The following TAMM41 variants were observed in gnomAD, a reference collection of about 807,000 sequenced individuals.
TAMM41 encodes phosphatidate cytidylyltransferase, mitochondrial.
A neutral mutation model predicts 44.1 loss-of-function variants in TAMM41; 36 were observed. The observed-to-expected ratio is 0.82, with a 90% CI of 0.63 to 1.08. The LOEUF (loss-of-function observed/expected upper bound fraction) is 1.08, where lower values mean the gene tolerates loss of function less well. Ranked by LOEUF, TAMM41 falls within the 50% of genes least tolerant of loss-of-function variation. TAMM41 has a pLI of 0.00. For missense variants in TAMM41, 417 were observed against 404.3 expected (o/e 1.03, Z -0.27); for synonymous variants, 164 against 153.1 (o/e 1.07, Z -0.53).
At chr3:11,778,484 G>A in the TAMM41 span, among the ~76,000 whole-genome samples, 624 of 152,212 alleles carry the variant, frequency 4.1e-3, 5 homozygotes, top group Middle Eastern at 0.034. Context: ...TGTGTCCCAG[G>A]AACTCTATAT....
intron 4 of TAMM41, among the ~76,000 whole-genome samples, chr3:11,825,138 G>A (rs577281885): frequency 2.6e-5 from 4 of 152,296 alleles, no homozygotes; most frequent in East Asian, 3.9e-4. Context: ...GCATTTACAA[G>A]CTATGTGACC....
chr3:11,725,403 C>CTTCTTCTTCT, the TAMM41 span, among the ~76,000 whole-genome samples: 25 of 129,544 alleles, frequency 1.9e-4, no homozygotes, highest in African/African-American at 3.7e-4. Flanking sequence ...TTTCTTCTTC[C>CTTCTTCTTCT]TCTTCTTCTT....
At position 11,795,258 on chromosome 3, in the gene TAMM41, G is replaced by A. The variant is rs868790291; in HGVS notation, c.938-4677C>T. 2.9e-4 allele frequency among the ~76,000 whole-genome samples: 44 copies of A among 152,246 alleles called. 1 individual carries two copies. Among genetic ancestry groups the A allele is most frequent in the Admixed American group, 1.4e-3 (22 of 15,286 alleles). The stretch of plus-strand genomic sequence containing the variant: ...TAATTCTGATTGACCACAAAGTCAG[G>A]TGGGAAAAAATAGGATTTAAAAATT... On this transcript the variant is annotated intron_variant, in intron 7 of 7. Coordinates refer to ENST00000455809, the MANE Select transcript of TAMM41 (RefSeq NM_001284401.2).
intron 7 of TAMM41, among the ~76,000 whole-genome samples, chr3:11,805,500 G>A (rs2077882024): frequency 6.6e-6 from 1 of 152,048 alleles, no homozygotes; most frequent in Non-Finnish European, 1.5e-5. Flanking sequence ...TTGAACTCTT[G>A]AGCCCAAGCA....
At chr3:11,839,343 G>T in intron 2 of TAMM41, 29 bp from the exon 3 acceptor site, 1 of 1,369,674 alleles carries the variant, frequency 7.3e-7, no homozygotes, top group Non-Finnish European at 1.0e-6. Context: ...GGCACAAAAC[G>T]GAGTAAAATA....
intron 7 of TAMM41, among the ~76,000 whole-genome samples, chr3:11,803,063 G>A (rs1243626818): frequency 6.6e-6 from 1 of 152,214 alleles, no homozygotes; most frequent in Admixed American, 6.5e-5. Flanking sequence ...CTTGAGATCA[G>A]GAATTCAAGG....
intron 3 of TAMM41, among the ~76,000 whole-genome samples, chr3:11,833,974 G>A: frequency 6.6e-6 from 1 of 152,154 alleles, no homozygotes; most frequent in African/African-American, 2.4e-5. Context: ...CAGACAAGGG[G>A]GCTCATGCCT....
chr3:11,826,071 T>C lies in TAMM41; in HGVS notation c.562+3643A>G, dbSNP rs560782745. Among the ~76,000 whole-genome samples the C allele has an allele frequency of 5.3e-5, 8 of 152,308 alleles. 1 individual carries two copies. The South Asian group carries it at 1.0e-3, about 20-fold the overall frequency. ...CTGTACAAAGTGATTCACAGCAGTG[T>C]TGCTAATAAAACAGTGAGAAATGGA... is the stretch of plus-strand genomic sequence containing the variant. On this transcript the variant is annotated intron_variant, in intron 4 of 7. Coordinates refer to ENST00000455809, the MANE Select transcript of TAMM41 (RefSeq NM_001284401.2).
At chr3:11,773,597 T>G in the TAMM41 span, among the ~76,000 whole-genome samples, 2 of 152,130 alleles carry the variant, frequency 1.3e-5, no homozygotes, top group Non-Finnish European at 2.9e-5. Flanking sequence ...CAAGCAGTAA[T>G]GGAGACACTT....
chr3:11,837,861 T>C lies in TAMM41; in HGVS notation c.411+1361A>G, dbSNP rs79828994. 2.9e-3 allele frequency among the ~76,000 whole-genome samples: 437 copies of C among 152,292 alleles called. 2 individuals carry two copies. Among genetic ancestry groups the C allele is most frequent in the African/African-American group, 0.01 (416 of 41,562 alleles). Reference sequence around the variant, plus strand: ...GTCAACTTGGAGCCCGATCCAGTCATTGGAGAATCTTGAGGGGGAGGGCAG... The same window carrying C: ...GTCAACTTGGAGCCCGATCCAGTCACTGGAGAATCTTGAGGGGGAGGGCAG... On this transcript the variant is annotated intron_variant, in intron 3 of 7. Coordinates refer to ENST00000455809, the MANE Select transcript of TAMM41 (RefSeq NM_001284401.2).
the TAMM41 span, among the ~76,000 whole-genome samples, chr3:11,735,541 G>A: frequency 1.3e-5 from 2 of 151,324 alleles, no homozygotes; most frequent in African/African-American, 2.4e-5. Flanking sequence ...GTGCTGAGGC[G>A]GGAGGATCAC....
intron 7 of TAMM41, among the ~76,000 whole-genome samples, chr3:11,792,342 C>T (rs2077499515): frequency 6.6e-6 from 1 of 152,228 alleles, no homozygotes; most frequent in African/African-American, 2.4e-5. Context: ...CCAGGTGGGC[C>T]ACAAACTAAC....
At chr3:11,815,210 G>C (rs960089543) in intron 5 of TAMM41, among the ~76,000 whole-genome samples, 2 of 152,132 alleles carry the variant, frequency 1.3e-5, no homozygotes, top group Non-Finnish European at 2.9e-5. Context: ...AACCGTGGAA[G>C]AGGAAAATGC....
intron 5 of TAMM41, among the ~76,000 whole-genome samples, chr3:11,813,828 ATGTGTGTGTGTGTG>A (rs143683206): frequency 1.4e-5 from 2 of 143,076 alleles, no homozygotes; most frequent in East Asian, 4.1e-4. Flanking sequence ...GTACAAATAT[ATGTGTGTGTGTGTG>A]TGTGTGTGTG....
intron 1 of TAMM41, chr3:11,845,001 TG>T (rs1272594229): frequency 1.3e-5 from 6 of 455,282 alleles, no homozygotes; most frequent in Non-Finnish European, 2.6e-5. Flanking sequence ...CTGGAAGCAC[TG>T]GGGGAAGCAC....
At chr3:11,807,582 AG>A in intron 7 of TAMM41, 2 of 1,536,202 alleles carry the variant, frequency 1.3e-6, no homozygotes, top group South Asian at 1.2e-5. Context: ...CCCTGCACAC[AG>A]GAAGTGTCTC....
At chr3:11,769,636 G>C in the TAMM41 span, among the ~76,000 whole-genome samples, 155 of 152,324 alleles carry the variant, frequency 1.0e-3, no homozygotes, top group Admixed American at 1.9e-3. Flanking sequence ...GTATGGATCT[G>C]TCCTGAGGAC....
chr3:11,774,931 C>T, the TAMM41 span, among the ~76,000 whole-genome samples: 14 of 145,850 alleles, frequency 9.6e-5, no homozygotes, highest in South Asian at 1.1e-3. Flanking sequence ...TGCAGTGGTG[C>T]GATCTCGGCT....
the TAMM41 span, among the ~76,000 whole-genome samples, chr3:11,782,546 C>CAAAAAAA: frequency 2.9e-5 from 2 of 70,096 alleles, no homozygotes; most frequent in African/African-American, 1.0e-4. Flanking sequence ...GACCCTGTCT[C>CAAAAAAA]AAAAAAAAAA....
Sources: gnomAD v4.1 joint callset for allele counts (sites outside exome capture counted in the v4.1 genomes callset) on GRCh38, gnomAD v4.1.1 for gene constraint, MANE v1.5 for transcripts, NCBI Gene and HGNC (gene_info 2026-07-23, HGNC 2026-07-21) for gene names.